Variants in PPP4R2 observed in about 807,000 individuals in gnomAD.
The protein encoded by PPP4R2 is protein phosphatase 4 regulatory subunit 2.
In PPP4R2, 13 loss-of-function variants were observed where a neutral mutation model predicts 47.2. The ratio of observed to expected loss-of-function variants is 0.28; its 90% CI spans 0.18 to 0.44. The LOEUF is 0.44. Among genes scored for constraint, PPP4R2 ranks in the 20% least tolerant of loss-of-function variants. The probability of loss-of-function intolerance (pLI) is 1.00; values close to 1 mark genes in which losing one functional copy is unlikely to be tolerated. For synonymous variants in PPP4R2, 151 were observed against 163.3 expected (o/e 0.92, Z 0.57); for missense variants, 421 against 491.2 (o/e 0.86, Z 1.35).
chr3:73,050,353 C>A (rs1042055978), intron 3 of PPP4R2, among the ~76,000 whole-genome samples: 2 of 152,114 alleles, frequency 1.3e-5, no homozygotes, highest in African/African-American at 4.8e-5. Context: ...ATCAGTGATA[C>A]ATCAAGATTT....
intron 2 of PPP4R2, among the ~76,000 whole-genome samples, chr3:73,008,743 A>G (rs916397432): frequency 6.6e-6 from 1 of 152,226 alleles, no homozygotes; most frequent in African/African-American, 2.4e-5. Flanking sequence ...CTTGGGGGAC[A>G]GTAAAAATTA....
At chr3:73,062,372 TG>T (rs1164708724) in intron 5 of PPP4R2, 1 of 1,606,966 alleles carries the variant, frequency 6.2e-7, no homozygotes. Flanking sequence ...AACCCAGCAT[TG>T]GGGATATTAA....
At chr3:73,034,547 G>GT (rs1040869646) in intron 2 of PPP4R2, among the ~76,000 whole-genome samples, 10 of 152,208 alleles carry the variant, frequency 6.6e-5, no homozygotes, top group African/African-American at 2.2e-4. Context: ...GTTTTGTTTT[G>GT]TTTTTTAGAG....
chr3:73,021,846 A>ATGTGTGTGTGTGTG (rs1350655364), intron 2 of PPP4R2, among the ~76,000 whole-genome samples: 1 of 120,832 alleles, frequency 8.3e-6, no homozygotes, highest in African/African-American at 3.9e-5. Flanking sequence ...TTACATTTCT[A>ATGTGTGTGTGTGTG]TATGTGTGTG....
intron 5 of PPP4R2, chr3:73,061,957 C>T (rs773617689): frequency 3.3e-5 from 21 of 642,212 alleles, no homozygotes; most frequent in African/African-American, 5.7e-5. Context: ...GACAGAAAAA[C>T]TATTAAAATG....
intron 2 of PPP4R2, among the ~76,000 whole-genome samples, chr3:73,036,707 A>G (rs545939101): frequency 5.9e-5 from 9 of 152,332 alleles, no homozygotes; most frequent in East Asian, 1.9e-4. Context: ...TTTTGAAAGT[A>G]TGAGATACAT....
At chr3:72,997,904 T>G (rs1421697906) in intron 1 of PPP4R2, among the ~76,000 whole-genome samples, 173 bp from the exon 2 acceptor site, 1 of 152,078 alleles carries the variant, frequency 6.6e-6, no homozygotes, top group Non-Finnish European at 1.5e-5. Context: ...GTAAAGAGGG[T>G]GACATGTTGG....
intron 2 of PPP4R2, among the ~76,000 whole-genome samples, chr3:73,025,992 G>A (rs1360563232): frequency 6.6e-6 from 1 of 152,130 alleles, no homozygotes; most frequent in Admixed American, 6.6e-5. Flanking sequence ...TTCTCACCTT[G>A]CCTGGGTTTT....
chr3:73,015,020 G>A (rs1048934728), intron 2 of PPP4R2: 20 of 660,086 alleles, frequency 3.0e-5, no homozygotes, highest in Admixed American at 6.9e-5. Context: ...TTTTTTCCTC[G>A]AAATATACTC....
chr3:72,998,059 T>C lies in PPP4R2; in HGVS notation c.35-18T>C. 6.3e-7 allele frequency: 1 copy of C among 1,581,314 alleles called. No homozygotes were observed. The highest frequency in any genetic ancestry group is 8.7e-7 in the Non-Finnish European group (1 of 1,155,318). On this transcript the variant is annotated intron_variant, in intron 1 of 8. Coordinates refer to ENST00000356692, the MANE Select transcript of PPP4R2 (RefSeq NM_174907.4). ...TTTTGAGAAAACTGATAACGTTTTT[T>C]TTTCTTCCTTCATCTAGATTTTGAG...
At position 73,065,003 on chromosome 3, in the gene PPP4R2, A is replaced by C; in HGVS notation, c.790A>C (p.Thr264Pro). 6.2e-7 allele frequency: 1 copy of C among 1,613,918 alleles called. No homozygotes were observed. ...GEVRETASQTTSSEISSVMVG... is the reference protein window; with the variant it reads ...GEVRETASQTPSSEISSVMVG... ...AGTCAGAGAAACAGCCAGTCAAACGACTTCCAGCGAAATTTCTTCAGTTAT... is the reference window on the plus strand; with the variant it reads ...AGTCAGAGAAACAGCCAGTCAAACGCCTTCCAGCGAAATTTCTTCAGTTAT... Residue 264 changes from threonine (T) to proline (P), a missense_variant, in exon 8 of 9, where the codon ACT becomes CCT. Physicochemically the swap from Thr to Pro is conservative, Grantham distance 38. Coordinates refer to ENST00000356692, the MANE Select transcript of PPP4R2 (RefSeq NM_174907.4).
chr3:73,062,322 G>T, intron 5 of PPP4R2: 1 of 1,604,134 alleles, frequency 6.2e-7, no homozygotes, highest in East Asian at 2.3e-5. Flanking sequence ...TGAGCTATCT[G>T]GGAAAAACAG....
At chr3:73,015,934 G>A (rs570331101) in intron 2 of PPP4R2, 63 of 246,002 alleles carry the variant, frequency 2.6e-4, no homozygotes, top group Middle Eastern at 1.7e-3. Context: ...TACTGCACCC[G>A]CCCTGTTTTT....
chr3:73,010,904 AT>A (rs1346658115), intron 2 of PPP4R2, among the ~76,000 whole-genome samples: 1 of 152,182 alleles, frequency 6.6e-6, no homozygotes, highest in East Asian at 1.9e-4. Context: ...ATTATCAAAT[AT>A]TTCATATGCA....
chr3:73,061,120 T>TAAGA, intron 5 of PPP4R2, 60 bp downstream of exon 5: 1 of 740,570 alleles, frequency 1.4e-6, no homozygotes, highest in Non-Finnish European at 2.1e-6. Flanking sequence ...TTTTATTGCT[T>TAAGA]CTAATATATT....
intron 3 of PPP4R2, among the ~76,000 whole-genome samples, chr3:73,052,285 T>C (rs1702632731): frequency 6.6e-6 from 1 of 150,680 alleles, no homozygotes; most frequent in Non-Finnish European, 1.5e-5. Context: ...TTAAAATTAC[T>C]TTGGAACTTT....
At chr3:73,060,041 C>T (rs1702819630) in intron 4 of PPP4R2, among the ~76,000 whole-genome samples, 1 of 151,762 alleles carries the variant, frequency 6.6e-6, no homozygotes, top group African/African-American at 2.4e-5. Flanking sequence ...TGAAGGAAGC[C>T]CTGTGAGAAC....
intron 2 of PPP4R2, among the ~76,000 whole-genome samples, chr3:73,041,405 T>C (rs747815213): frequency 6.6e-6 from 1 of 152,252 alleles, no homozygotes; most frequent in Non-Finnish European, 1.5e-5. Flanking sequence ...CTTTCACTTA[T>C]TTAATTCAGT....
rs187556895 is a variant in PPP4R2, at chr3:73,021,001, G to A, written c.116+22843G>A. On this transcript the variant is annotated intron_variant, in intron 2 of 8. Coordinates refer to ENST00000356692, the MANE Select transcript of PPP4R2 (RefSeq NM_174907.4). ...TGAATTTTAGTGGTGTGGGGCAGGC[G>A]GGTAAGGGCACACATTTGGTATGTA... Among the ~76,000 whole-genome samples, 366 of 152,202 alleles carry A rather than the reference G, an allele frequency of 2.4e-3. 1 individual carries two copies. The highest frequency in any genetic ancestry group is 5.5e-3 in the Admixed American group (84 of 15,286).
Sources: gnomAD v4.1 joint callset for allele counts (sites outside exome capture counted in the v4.1 genomes callset) on GRCh38, gnomAD v4.1.1 for gene constraint, MANE v1.5 for transcripts, NCBI Gene and HGNC (gene_info 2026-07-23, HGNC 2026-07-21) for gene names.